CSF2RB: variants seen among roughly 807,000 people sequenced by gnomAD.
CSF2RB encodes the protein colony stimulating factor 2 receptor subunit beta.
CSF2RB carries 22 observed loss-of-function variants against 67.2 expected under a neutral mutation model. The observed-to-expected ratio is 0.33, with a 90% CI of 0.23 to 0.47. CSF2RB has a LOEUF of 0.47. Among genes scored for constraint, CSF2RB ranks in the 20% least tolerant of loss-of-function variants. The pLI is 1.00. For missense variants in CSF2RB, 1,113 were observed against 1,174.5 expected, an observed-to-expected ratio of 0.95 and a Z score of 0.76; for synonymous variants, 507 against 482.9, an observed-to-expected ratio of 1.05 and a Z score of -0.65.
rs759524730 is a variant in CSF2RB at position 36,926,039 on chromosome 22, G to C, written c.253G>C (p.Ala85Pro). 6.2e-7 allele frequency: 1 copy of C among 1,614,196 alleles called. No individual in the cohort carries two copies. Among genetic ancestry groups the C allele is most frequent in the South Asian group, 1.1e-5 (1 of 91,090 alleles). The change falls in exon 4 of 14, where the codon GCC becomes CCC. Residue 85 changes from alanine (A) to proline (P), a missense_variant. Around this residue, in one of 2 missense-constraint regions of CSF2RB, gnomAD observed 559 missense variants for 656.5 expected, o/e 0.85. Transcript: ENST00000403662. ...CCTCAGTGATGACATGCCCTGGTCA[G>C]CCTGCCCCCATCCCCGCTGCGTGCC... ...CDLSDDMPWSACPHPRCVPRR... is the reference protein window; with the variant it reads ...CDLSDDMPWSPCPHPRCVPRR...
Position 36,932,879 on chromosome 22 carries a change from A to G in CSF2RB, c.1127A>G (p.Tyr376Cys), listed in dbSNP as rs764017982. The change falls in exon 9 of 14, where the codon TAC becomes TGC. Residue 376 changes from tyrosine (Y) to cysteine (C), a missense_variant. By Grantham distance (194) the Tyr-to-Cys change is radical (BLOSUM62 -2). This residue lies in a region of CSF2RB where 559 missense variants were observed against 656.5 expected (regional missense o/e 0.85). Transcript: ENST00000403662. ...EHIDHTFEIQYRKDTATWKDS... is the reference protein window; with the variant it reads ...EHIDHTFEIQCRKDTATWKDS... ...ATAGACCACACATTTGAGATCCAGT[A>G]CAGGAAAGACACGGCCACGTGGAAG... 7 of 1,614,166 alleles carry G rather than the reference A, an allele frequency of 4.3e-6. No homozygotes were observed. Among genetic ancestry groups the G allele is most frequent in the Non-Finnish European group, 5.9e-6 (7 of 1,180,038 alleles).
rs1157883909 is a variant in CSF2RB at position 36,937,251 on chromosome 22, C to G, written c.1569-126C>G. On this transcript the variant is annotated intron_variant, in intron 13 of 13. Coordinates refer to ENST00000403662, the MANE Select transcript of CSF2RB (RefSeq NM_000395.3). This position sits in a 1 kb window ranked among gnomAD's most constrained non-coding sequence, Gnocchi z 4.6. ...CTCAACCCTGTCCCGTTCAGGTTCT[C>G]TCTGTGAGATCTGGGGGACATCAGG... 6.6e-6 allele frequency: 8 copies of G among 1,218,058 alleles called. No individual in the cohort carries two copies. Among genetic ancestry groups the G allele is most frequent in the Admixed American group, 1.9e-5 (1 of 53,036 alleles). The allele number at this position is 1,218,058 out of a possible 1,614,324, so 75.5% of individuals were successfully genotyped here.
chr22:36,934,413 G>C (rs777961195), intron 10 of CSF2RB, among the ~76,000 whole-genome samples: 1 of 152,208 alleles, frequency 6.6e-6, no homozygotes, highest in Non-Finnish European at 1.5e-5. Flanking sequence ...CTGCAAGTGA[G>C]GACTTGAGGG....
chr22:36,927,296 G>A (rs1219900641), intron 4 of CSF2RB, among the ~76,000 whole-genome samples: 1 of 152,202 alleles, frequency 6.6e-6, no homozygotes, highest in East Asian at 1.9e-4. Context: ...GGAGCTCAGG[G>A]GGCCCAGGCT....
rs1601580352 is a variant in CSF2RB at position 36,922,290 on chromosome 22, C to A, written c.76+7C>A. On this transcript the variant is annotated splice_region_variant and intron_variant, in intron 2 of 13. Transcript: ENST00000403662. Reference sequence around the variant, plus strand: ...AGCCTGGCAGGGGCAGAAGGTGAGTCCCGTGGCTCCCACCCACTTCCCTGT... The same window carrying A: ...AGCCTGGCAGGGGCAGAAGGTGAGTACCGTGGCTCCCACCCACTTCCCTGT... 5 of 1,568,422 alleles carry A rather than the reference C, an allele frequency of 3.2e-6. No individual in the cohort carries two copies. Among genetic ancestry groups the A allele is most frequent in the Non-Finnish European group, 4.3e-6 (5 of 1,156,726 alleles).
chr22:36,926,065 C>T lies in CSF2RB; in HGVS notation c.279C>T (p.Pro93=). ...WSACPHPRCV[P]RRCVIPCQSF... ...CCTGCCCCCATCCCCGCTGCGTGCC[C>T]AGGAGATGTGTCATTCCCTGCCAGA... Residue 93 remains proline (P), a synonymous_variant, in exon 4 of 14, where the codon CCC becomes CCT. Coordinates refer to ENST00000403662, the MANE Select transcript of CSF2RB (RefSeq NM_000395.3). 1 of 1,614,212 alleles carries T rather than the reference C, an allele frequency of 6.2e-7. No individual in the cohort carries two copies. The highest frequency in any genetic ancestry group is 8.5e-7 in the Non-Finnish European group (1 of 1,180,038).
Position 36,926,164 on chromosome 22 carries a change from T to C in CSF2RB, c.378T>C (p.Thr126=). The C allele has an allele frequency of 1.2e-6, 2 of 1,614,106 alleles. No individual in the cohort carries two copies. Among genetic ancestry groups the C allele is most frequent in the East Asian group, 4.5e-5 (2 of 44,888 alleles). ...CTCTGGGCACCCGGCTCACCGTCAC[T>C]CTGACCCAGCATGGTGAGGGGCTGG... The part of the protein sequence containing the change: ...DRPLGTRLTV[T]LTQHVQPPEP... The change falls in exon 4 of 14, where the codon ACT becomes ACC. Residue 126 remains threonine (T), a synonymous_variant. Transcript: ENST00000403662.
intron 8 of CSF2RB, among the ~76,000 whole-genome samples, chr22:36,931,692 T>C (rs1941149641): frequency 6.6e-6 from 1 of 152,228 alleles, no homozygotes; most frequent in Non-Finnish European, 1.5e-5. Context: ...TCAGAACTTC[T>C]CACTCCCTGC....
chr22:36,920,315 G>C (rs1940827263), intron 1 of CSF2RB, among the ~76,000 whole-genome samples: 1 of 152,220 alleles, frequency 6.6e-6, no homozygotes, highest in Admixed American at 6.5e-5. Context: ...TCTATATGTT[G>C]AAGTGCACCC....
Position 36,925,969 on chromosome 22 carries a change from C to G in CSF2RB, c.201-18C>G. The G allele has an allele frequency of 6.2e-7, 1 of 1,614,062 alleles. No homozygotes were observed. The highest frequency in any genetic ancestry group is 8.5e-7 in the Non-Finnish European group (1 of 1,179,940). On this transcript the variant is annotated intron_variant, in intron 3 of 13. Transcript: ENST00000403662. ...GATACCCATACACCCTGGGCTAAGC[C>G]GTGTCCTCTCCCAACAGGGACCTCC...
intron 1 of CSF2RB, among the ~76,000 whole-genome samples, chr22:36,917,954 A>G (rs78418961): frequency 0.027 from 4,084 of 152,160 alleles, 72 homozygotes; most frequent in South Asian, 0.058. Context: ...TTTTAAAGAA[A>G]CCATATTTGC....
Position 36,938,590 on chromosome 22 carries a change from G to A in CSF2RB, c.*88G>A. The A allele has an allele frequency of 7.1e-7, 1 of 1,414,236 alleles. No individual in the cohort carries two copies. Among genetic ancestry groups the A allele is most frequent in the Non-Finnish European group, 9.5e-7 (1 of 1,051,816 alleles). 87.6% of individuals were successfully genotyped at this position (1,414,236 alleles called of 1,614,324 possible). ...CCTCAGTCATTTCTGCAAAGCCAAG[G>A]GGCAGCCTCCTGTCAAGGTAGCTAG... On this transcript the variant is annotated 3_prime_UTR_variant, in exon 14 of 14. Coordinates refer to ENST00000403662, the MANE Select transcript of CSF2RB (RefSeq NM_000395.3).
At chr22:36,915,176 C>T (rs1395095518) in intron 1 of CSF2RB, among the ~76,000 whole-genome samples, 1 of 152,112 alleles carries the variant, frequency 6.6e-6, no homozygotes, top group African/African-American at 2.4e-5. Context: ...CCTCTGCCTC[C>T]CGGGTTCAGG....
rs1489225630 is a variant in CSF2RB at position 36,929,901 on chromosome 22, G to C, written c.718+94G>C. On this transcript the variant is annotated intron_variant, in intron 6 of 13. Transcript: ENST00000403662. ...GCAGGGTTCCTGGGCTCCACCTGGG[G>C]GCTTCCCAGATCTCCTGCTGCCATC... The C allele has an allele frequency of 1.3e-5, 19 of 1,491,996 alleles. No homozygotes were observed. In the South Asian group the frequency reaches 2.4e-4, roughly 19 times the overall value. The allele number at this position is 1,491,996 out of a possible 1,614,324, so 92.4% of individuals were successfully genotyped here. A position where few individuals can be genotyped will look rare whatever the true frequency, so the allele number is the denominator to read the frequency against.
At chr22:36,924,621 C>T (rs1940966531) in intron 3 of CSF2RB, among the ~76,000 whole-genome samples, 1 of 152,194 alleles carries the variant, frequency 6.6e-6, no homozygotes, top group Non-Finnish European at 1.5e-5. Context: ...GGCCCACTCC[C>T]CTAGGATGCT....
At chr22:36,923,512 A>T in intron 3 of CSF2RB, 145 bp downstream of exon 3, 1 of 1,338,510 alleles carries the variant, frequency 7.5e-7, no homozygotes, top group African/African-American at 1.4e-5. Context: ...AGGCCCTGCA[A>T]GAGCTCCTGC....
At position 36,937,301 on chromosome 22, in the gene CSF2RB, C is replaced by G. The variant is rs940581184; in HGVS notation, c.1569-76C>G. 45 of 1,563,262 alleles carry G rather than the reference C, an allele frequency of 2.9e-5. No individual in the cohort carries two copies. In the African/African-American group the frequency reaches 5.0e-4, roughly 17 times the overall value. On this transcript the variant is annotated intron_variant, in intron 13 of 13. Transcript: ENST00000403662. The surrounding 1 kb of genome is among the most constrained non-coding windows in gnomAD (Gnocchi z 4.6). ...GGCTTCCAGAGAACCATCTCCACCC[C>G]ACCAAGACCCTTGTGCCTGACCCGG...
chr22:36,916,737 T>C (rs1940724341), intron 1 of CSF2RB, among the ~76,000 whole-genome samples: 2 of 152,158 alleles, frequency 1.3e-5, no homozygotes, highest in South Asian at 4.1e-4. Flanking sequence ...TGTGCACCTG[T>C]AATCCCAGCT....
chr22:36,930,906 GGGTTCCTCCTGGCCCC>G, intron 8 of CSF2RB, 76 bp downstream of exon 8: 1 of 1,553,968 alleles, frequency 6.4e-7, no homozygotes, highest in Non-Finnish European at 8.9e-7. Flanking sequence ...AATCAGTTCA[GGGTTCCTCCTGGCCCC>G]GTCTTCATGT....
Sources: gnomAD v4.1 joint callset for allele counts (sites outside exome capture counted in the v4.1 genomes callset) on GRCh38, gnomAD v4.1.1 for gene constraint, gnomAD v4.1.1 regional missense constraint, Gnocchi (gnomAD v3.1) non-coding constraint, MANE v1.5 for transcripts, NCBI Gene and HGNC (gene_info 2026-07-23, HGNC 2026-07-21) for gene names.